Variants in EYS observed in about 807,000 individuals in gnomAD.
The protein encoded by EYS is protein eyes shut homolog.
Under a neutral mutation model 282.1 loss-of-function variants are expected in EYS, and 250 were observed. The observed-to-expected ratio is 0.89, with a 90% CI of 0.80 to 0.98. The LOEUF (loss-of-function observed/expected upper bound fraction) is 0.98. Ranked by LOEUF, EYS falls within the 50% of genes least tolerant of loss-of-function variation. The pLI is 0.00. For missense variants in EYS, 4,016 were observed against 3,709.0 expected, an observed-to-expected ratio of 1.08 and a Z score of -2.15; for synonymous variants, 1,355 against 1,282.9, an observed-to-expected ratio of 1.06 and a Z score of -1.20.
intron 33 of EYS, among the ~76,000 whole-genome samples, chr6:64,031,152 G>A (rs997020945): frequency 7.2e-5 from 11 of 152,226 alleles, no homozygotes; most frequent in Admixed American, 2.6e-4. Context: ...GCGGGGAGGT[G>A]TGGAGGGAGA....
chr6:64,840,822 A>T (rs1455703447), intron 19 of EYS, among the ~76,000 whole-genome samples: 1 of 134,972 alleles, frequency 7.4e-6, no homozygotes, highest in Non-Finnish European at 1.6e-5. Context: ...CCAATACTAC[A>T]GTTTTCAGCA....
chr6:64,661,998 G>A (rs1435491798), intron 22 of EYS, among the ~76,000 whole-genome samples: 1 of 151,872 alleles, frequency 6.6e-6, no homozygotes, highest in Non-Finnish European at 1.5e-5. Context: ...GTCCAACAAT[G>A]ATAGACTCAA....
chr6:63,874,952 A>G (rs1393569715), intron 35 of EYS, among the ~76,000 whole-genome samples: 5 of 152,170 alleles, frequency 3.3e-5, no homozygotes, highest in Non-Finnish European at 5.9e-5. Flanking sequence ...TCCTAATTGA[A>G]TACTCTTTAT....
intron 29 of EYS, among the ~76,000 whole-genome samples, chr6:64,386,625 T>C (rs1393888417): frequency 3.9e-5 from 6 of 152,192 alleles, no homozygotes. Flanking sequence ...ATGATAAACC[T>C]GCCGTTTTCC....
At chr6:63,969,809 C>G (rs777370049) in intron 35 of EYS, among the ~76,000 whole-genome samples, 9 of 152,194 alleles carry the variant, frequency 5.9e-5, no homozygotes, top group Admixed American at 2.6e-4. Context: ...ATTCAAAAAG[C>G]ATTACAACAA....
At chr6:64,044,567 C>T (rs1246695292) in intron 33 of EYS, among the ~76,000 whole-genome samples, 1 of 152,206 alleles carries the variant, frequency 6.6e-6, no homozygotes, top group African/African-American at 2.4e-5. Context: ...TAATTCTGTG[C>T]AGCTCCATTG....
At chr6:65,283,708 A>G (rs1768284470) in intron 12 of EYS, among the ~76,000 whole-genome samples, 1 of 151,688 alleles carries the variant, frequency 6.6e-6, no homozygotes, top group South Asian at 2.1e-4. Context: ...CCTTTTTTTC[A>G]CAGTATCTAT....
At chr6:64,589,383 TAA>T (rs1766329260) in intron 26 of EYS, among the ~76,000 whole-genome samples, 1 of 152,034 alleles carries the variant, frequency 6.6e-6, no homozygotes, top group African/African-American at 2.4e-5. Flanking sequence ...CAAACCACTA[TAA>T]GTTTATTGTC....
intron 26 of EYS, among the ~76,000 whole-genome samples, chr6:64,511,242 T>TATATATATGATATATATATCATATTTATC (rs1777387299): frequency 7.2e-6 from 1 of 138,396 alleles, no homozygotes; most frequent in African/African-American, 3.1e-5. Flanking sequence ...ATATATCATA[T>TATATATATGATATATATATCATATTTATC]ATATATATGA....
At chr6:64,469,212 T>C (rs941245930) in intron 26 of EYS, among the ~76,000 whole-genome samples, 1 of 152,168 alleles carries the variant, frequency 6.6e-6, no homozygotes, top group African/African-American at 2.4e-5. Context: ...GACGGTATCT[T>C]ATTGTGATTT....
chr6:65,061,624 A>T (rs1773575678), intron 12 of EYS, among the ~76,000 whole-genome samples: 1 of 151,804 alleles, frequency 6.6e-6, no homozygotes, highest in South Asian at 2.1e-4. Flanking sequence ...TTCTAGGTCT[A>T]TGTTTCAATT....
intron 22 of EYS, among the ~76,000 whole-genome samples, chr6:64,769,128 T>C (rs763915714): frequency 6.6e-6 from 1 of 152,122 alleles, no homozygotes; most frequent in African/African-American, 2.4e-5. Context: ...ATATGAAAAC[T>C]ACATGGCGTA....
chr6:65,440,856 T>G lies in EYS; in HGVS notation c.863-35489A>C, dbSNP rs147053176. On this transcript the variant is annotated intron_variant, in intron 5 of 42. Transcript: ENST00000503581. ...GAAAAAAAATATGTGTATATATATA[T>G]ATATAGATTTATATTATATATTTAT... Among the ~76,000 whole-genome samples the G allele has an allele frequency of 7.5e-3, 1,096 of 146,904 alleles. 15 individuals are homozygous for G. The highest frequency in any genetic ancestry group is 0.039 in the South Asian group (188 of 4,768).
intron 41 of EYS, among the ~76,000 whole-genome samples, chr6:63,752,215 A>G (rs555340859): frequency 2.7e-5 from 4 of 150,934 alleles, no homozygotes; most frequent in African/African-American, 9.7e-5. Context: ...TTTTTTGACT[A>G]TTTTCTGGCT....
intron 2 of EYS, among the ~76,000 whole-genome samples, chr6:65,600,306 A>C (rs911606704): frequency 2.6e-5 from 4 of 152,114 alleles, no homozygotes; most frequent in Middle Eastern, 3.4e-3. Context: ...ATTATAGCTG[A>C]GCCCCTAGTG....
chr6:64,478,201 C>A (rs535537195), intron 26 of EYS, among the ~76,000 whole-genome samples: 1 of 151,916 alleles, frequency 6.6e-6, no homozygotes, highest in African/African-American at 2.4e-5. Context: ...TAGCTATATT[C>A]TTATTACCTT....
chr6:65,410,009 C>T (rs1438173230), intron 5 of EYS, among the ~76,000 whole-genome samples: 4 of 151,836 alleles, frequency 2.6e-5, no homozygotes, highest in South Asian at 2.1e-4. Flanking sequence ...ATATGTATTT[C>T]TCCATGTTAT....
chr6:65,392,765 G>T (rs371946012), intron 7 of EYS, among the ~76,000 whole-genome samples: 1 of 151,194 alleles, frequency 6.6e-6, no homozygotes, highest in Non-Finnish European at 1.5e-5. Context: ...TCAGTGTGGC[G>T]ATTCCTCAGG....
intron 1 of EYS, among the ~76,000 whole-genome samples, chr6:65,687,988 G>A (rs9453365): frequency 0.23 from 34,427 of 151,998 alleles, 4,694 homozygotes; most frequent in African/African-American, 0.39. Flanking sequence ...AATCAATATC[G>A]TGAAAATGGC....
Sources: allele counts gnomAD v4.1 joint callset (sites outside exome capture counted in the v4.1 genomes callset), GRCh38; gene constraint gnomAD v4.1.1; transcripts MANE v1.5; gene names NCBI Gene and HGNC (gene_info 2026-07-23, HGNC 2026-07-21).